Variants in SHB observed in about 807,000 individuals in gnomAD.
SHB encodes SH2 domain-containing adapter protein B.
SHB carries 20 observed loss-of-function variants against 52.3 expected under a neutral mutation model. That is an observed-to-expected ratio of 0.38 (90% CI 0.27 to 0.56). SHB has a LOEUF of 0.56. SHB is among the 20% of genes least tolerant of loss of function. The probability of loss-of-function intolerance (pLI) is 0.71; values close to 1 mark genes in which losing one functional copy is unlikely to be tolerated. For missense variants in SHB, 825 were observed against 723.3 expected (o/e 1.14, Z -1.61); for synonymous variants, 397 against 316.5 (o/e 1.25, Z -2.70).
At chr9:37,950,219 G>A (rs1168496894) in intron 4 of SHB, among the ~76,000 whole-genome samples, 1 of 151,934 alleles carries the variant, frequency 6.6e-6, no homozygotes, top group Non-Finnish European at 1.5e-5. Context: ...TTACAGGCGT[G>A]AGCCATTGCA....
chr9:37,965,542 G>A (rs985924544), intron 3 of SHB, among the ~76,000 whole-genome samples: 1 of 151,654 alleles, frequency 6.6e-6, no homozygotes, highest in Non-Finnish European at 1.5e-5. Context: ...AGAACACAGG[G>A]TTGGTTTTCC....
At chr9:38,029,605 C>T (rs966037967) in intron 1 of SHB, among the ~76,000 whole-genome samples, 1 of 152,110 alleles carries the variant, frequency 6.6e-6, no homozygotes, top group Non-Finnish European at 1.5e-5. Context: ...ATTCTCTCAC[C>T]TCTGCCTCCC....
At chr9:38,020,136 A>G (rs549907005) in intron 1 of SHB, among the ~76,000 whole-genome samples, 3 of 152,364 alleles carry the variant, frequency 2.0e-5, no homozygotes, top group East Asian at 3.9e-4. Context: ...GGGGAAGTCA[A>G]AAGAGACCTT....
intron 1 of SHB, among the ~76,000 whole-genome samples, chr9:38,056,865 A>C (rs1821828266): frequency 6.6e-6 from 1 of 152,276 alleles, no homozygotes; most frequent in African/African-American, 2.4e-5. Context: ...GGATGAACAG[A>C]TGATAAAGTA....
At chr9:38,041,051 C>G (rs1821569222) in intron 1 of SHB, among the ~76,000 whole-genome samples, 1 of 152,044 alleles carries the variant, frequency 6.6e-6, no homozygotes, top group African/African-American at 2.4e-5. Context: ...GACATTTGTC[C>G]TTACCGAAGT....
chr9:37,974,856 G>T lies in SHB; in HGVS notation c.839-19C>A. The stretch of plus-strand genomic sequence containing the variant: ...TGAAATTCTGCAGGCAAAAAGGAAG[G>T]AAGCAGAGATGAAATGGATACTGCA... On this transcript the variant is annotated intron_variant, in intron 2 of 5. Transcript: ENST00000377707. The T allele has an allele frequency of 6.2e-7, 1 of 1,602,284 alleles. No homozygotes were observed. The highest frequency in any genetic ancestry group is 8.6e-7 in the Non-Finnish European group (1 of 1,169,228).
At chr9:38,024,868 G>A (rs976257201) in intron 1 of SHB, among the ~76,000 whole-genome samples, 6 of 152,212 alleles carry the variant, frequency 3.9e-5, no homozygotes, top group African/African-American at 1.4e-4. Context: ...GGTCTATTCT[G>A]CTAGATCTCA....
At chr9:37,969,102 G>A (rs1234537498) in intron 3 of SHB, among the ~76,000 whole-genome samples, 1 of 130,650 alleles carries the variant, frequency 7.7e-6, no homozygotes, top group Non-Finnish European at 1.7e-5. Flanking sequence ...AGAAATTAGT[G>A]CAAGTGAGAT....
intron 4 of SHB, among the ~76,000 whole-genome samples, chr9:37,949,998 G>A (rs1205537841): frequency 2.0e-5 from 3 of 152,146 alleles, no homozygotes; most frequent in Non-Finnish European, 4.4e-5. Flanking sequence ...GTGCCGTGGC[G>A]CGATAATAGC....
At chr9:38,011,049 C>T (rs1477177593) in intron 2 of SHB, among the ~76,000 whole-genome samples, 1 of 152,228 alleles carries the variant, frequency 6.6e-6, no homozygotes, top group Admixed American at 6.5e-5. Context: ...GACACCACGG[C>T]TCTCAGTGGG....
intron 1 of SHB, among the ~76,000 whole-genome samples, chr9:38,051,683 A>G (rs1821752308): frequency 6.6e-6 from 1 of 152,154 alleles, no homozygotes; most frequent in Non-Finnish European, 1.5e-5. Flanking sequence ...GATGATCCAG[A>G]GCCCCACAGA....
chr9:38,055,442 G>A (rs1191667644), intron 1 of SHB, among the ~76,000 whole-genome samples: 1 of 152,150 alleles, frequency 6.6e-6, no homozygotes, highest in East Asian at 1.9e-4. Context: ...GCCGAAAACG[G>A]TGGGGTGCAG....
chr9:37,946,966 C>T (rs1360825556), intron 5 of SHB, among the ~76,000 whole-genome samples: 2 of 152,208 alleles, frequency 1.3e-5, no homozygotes, highest in African/African-American at 4.8e-5. Flanking sequence ...CAGAAGAGCA[C>T]CATTCACCTT....
chr9:37,978,231 T>C (rs1820677005), intron 2 of SHB, among the ~76,000 whole-genome samples: 1 of 152,234 alleles, frequency 6.6e-6, no homozygotes, highest in Admixed American at 6.5e-5. Flanking sequence ...GATTAGCTAT[T>C]AAATCAGAGG....
chr9:38,047,513 G>A (rs982458704), intron 1 of SHB, among the ~76,000 whole-genome samples: 1 of 152,218 alleles, frequency 6.6e-6, no homozygotes, highest in Non-Finnish European at 1.5e-5. Context: ...AGTTAACAGA[G>A]GGGAAAACTG....
At position 38,068,178 on chromosome 9, in the gene SHB, GGAGGAC is replaced by G. The variant is rs578185949; in HGVS notation, c.462_467del (p.Ser155_Ser156del). 1.5e-5 allele frequency: 22 copies of G among 1,425,802 alleles called. No individual in the cohort carries two copies. The highest frequency in any genetic ancestry group is 4.6e-5 in the South Asian group (3 of 65,450). The allele number at this position is 1,425,802 out of a possible 1,614,324, so 88.3% of individuals were successfully genotyped here. On this transcript the variant is annotated inframe_deletion, in exon 1 of 6. Coordinates refer to ENST00000377707, the MANE Select transcript of SHB (RefSeq NM_003028.3). ...TGCTGCGGTAGAGATGCGGAGAGCC[GGAGGAC>G]GAGGACGAGGACGCGGCGGCCCCCG... is the stretch of plus-strand genomic sequence containing the variant.
intron 1 of SHB, among the ~76,000 whole-genome samples, chr9:38,023,411 G>A (rs911921825): frequency 2.6e-5 from 4 of 152,190 alleles, no homozygotes; most frequent in Non-Finnish European, 5.9e-5. Flanking sequence ...TAAAGAAAAG[G>A]CCGTGTCCTT....
Position 37,933,828 on chromosome 9 carries a change from C to T in SHB, c.1347-13824G>A, listed in dbSNP as rs564185300. Among the ~76,000 whole-genome samples the T allele has an allele frequency of 1.6e-4, 25 of 152,336 alleles. No individual in the cohort carries two copies. The South Asian group carries it at 4.8e-3, about 29-fold the overall frequency. On this transcript the variant is annotated intron_variant, in intron 5 of 5. Transcript: ENST00000377707. ...TTCCATGTCCTGAGCTGAAATGTGG[C>T]TAACTACAGCTTGCTGAGATTAGCC... is the stretch of plus-strand genomic sequence containing the variant.
chr9:37,947,103 C>T (rs1007266740), intron 5 of SHB, among the ~76,000 whole-genome samples: 2 of 152,334 alleles, frequency 1.3e-5, no homozygotes, highest in Admixed American at 1.3e-4. Flanking sequence ...GCATATTGAA[C>T]TTTCCTCGGC....
Sources: allele counts gnomAD v4.1 joint callset (sites outside exome capture counted in the v4.1 genomes callset), GRCh38; gene constraint gnomAD v4.1.1; transcripts MANE v1.5; gene names NCBI Gene and HGNC (gene_info 2026-07-23, HGNC 2026-07-21).